Variants in GRN observed in about 807,000 individuals in gnomAD.
The protein encoded by GRN is progranulin.
Under a neutral mutation model 66.7 loss-of-function variants are expected in GRN, and 30 were observed. The ratio of observed to expected loss-of-function variants is 0.45; its 90% confidence interval spans 0.34 to 0.61. GRN has a LOEUF of 0.61. GRN is among the 20% of genes least tolerant of loss of function. GRN has a pLI of 0.01. For missense variants in GRN, 731 were observed against 803.5 expected, an observed-to-expected ratio of 0.91 and a Z score of 1.09; for synonymous variants, 327 against 311.1, an observed-to-expected ratio of 1.05 and a Z score of -0.54.
chr17:44,349,419 T>G lies in GRN; in HGVS notation c.139-7T>G, dbSNP rs1037113443. On this transcript the variant is annotated splice_polypyrimidine_tract_variant and splice_region_variant and intron_variant, in intron 2 of 12. Coordinates refer to ENST00000053867, the MANE Select transcript of GRN (RefSeq NM_002087.4). ...TCTGTGGTTTATCATTTTCCCTGTC[T>G]TTCTAGGACAAATGGCCCACAACAC... 1.9e-6 allele frequency: 3 copies of G among 1,614,232 alleles called. No homozygotes were observed. The highest frequency in any genetic ancestry group is 2.5e-6 in the Non-Finnish European group (3 of 1,180,050).
chr17:44,352,657 C>T lies in GRN; in HGVS notation c.1645-4C>T, dbSNP rs770775138. 14 of 1,609,872 alleles carry T rather than the reference C, an allele frequency of 8.7e-6. No individual in the cohort carries two copies. Among genetic ancestry groups the T allele is most frequent in the African/African-American group, 1.3e-5 (1 of 74,948 alleles). The stretch of plus-strand genomic sequence containing the variant: ...AACCCTCTCGCCCCCCTCTGACCAT[C>T]CAGGGCGTCTGTTGTGCTGATCGGC... On this transcript the variant is annotated splice_region_variant and splice_polypyrimidine_tract_variant and intron_variant, in intron 12 of 12. Transcript: ENST00000053867.
rs914538363 is a variant in GRN at position 44,352,749 on chromosome 17, C to T, written c.1733C>T (p.Pro578Leu). ...ACCAAGTGTTTGCGCAGGGAGGCCC[C>T]GCGCTGGGACGCCCCTTTGAGGGAC... ...RGTKCLRREAPRWDAPLRDPA... is the reference protein window; with the variant it reads ...RGTKCLRREALRWDAPLRDPA... The change falls in exon 13 of 13, where the codon CCG (proline) becomes CTG (leucine). Residue 578 changes from proline (P) to leucine (L), a missense_variant. Physicochemically the swap from Pro to Leu is moderately conservative, Grantham distance 98 (BLOSUM62 -3). Around this residue, in one of 3 missense-constraint regions of GRN, gnomAD observed 319 missense variants for 347.2 expected, o/e 0.92. Transcript: ENST00000053867. 1.1e-5 allele frequency: 18 copies of T among 1,611,484 alleles called. No individual in the cohort carries two copies. The highest frequency in any genetic ancestry group is 3.3e-5 in the Admixed American group (2 of 60,012).
At chr17:44,348,422 C>A (rs1220539876) in intron 1 of GRN, among the ~76,000 whole-genome samples, 1 of 152,192 alleles carries the variant, frequency 6.6e-6, no homozygotes, top group Non-Finnish European at 1.5e-5. Context: ...CAGGGTTTAG[C>A]ATGCTTGAGG....
intron 1 of GRN, 44 bp from the exon 2 acceptor site, chr17:44,349,114 G>T: frequency 6.2e-7 from 1 of 1,609,060 alleles, no homozygotes. Context: ...ATCAAGGGTG[G>T]CGTGGGCTTA....
Position 44,352,864 on chromosome 17 carries a change from CCCT to C in GRN, c.*67_*69del. 6.6e-7 allele frequency: 1 copy of C among 1,505,176 alleles called. No homozygotes were observed. Among genetic ancestry groups the C allele is most frequent in the Non-Finnish European group, 9.1e-7 (1 of 1,096,018 alleles). The allele number at this position is 1,505,176 out of a possible 1,614,324, so 93.2% of individuals were successfully genotyped here. ...CGGAGGGTGCCCTCTGCTCAGGCCTCCCTAGCACCTCCCCCTAACCAAATTCTC... is the reference window on the plus strand; with the variant it reads ...CGGAGGGTGCCCTCTGCTCAGGCCTCAGCACCTCCCCCTAACCAAATTCTC... On this transcript the variant is annotated 3_prime_UTR_variant, in exon 13 of 13. Coordinates refer to ENST00000053867, the MANE Select transcript of GRN (RefSeq NM_002087.4).
rs761620336 is a variant in GRN, at chr17:44,351,358, C to G, written c.836-5C>G. 38 of 1,609,814 alleles carry G rather than the reference C, an allele frequency of 2.4e-5. No homozygotes were observed. The East Asian group carries it at 8.0e-4, about 34-fold the overall frequency. ...TCTGACCTGTCCTCTCTGCTTCCCT[C>G]ACAGTGGGGGATGTGAAATGTGACA... On this transcript the variant is annotated splice_polypyrimidine_tract_variant and splice_region_variant and intron_variant, in intron 8 of 12. Coordinates refer to ENST00000053867, the MANE Select transcript of GRN (RefSeq NM_002087.4).
chr17:44,349,946 A>T (rs547206594), intron 4 of GRN, 195 bp downstream of exon 4: 1 of 638,072 alleles, frequency 1.6e-6, no homozygotes, highest in South Asian at 1.8e-5. Flanking sequence ...AAAGTGCAAG[A>T]CTCCAGGTCC....
At position 44,351,786 on chromosome 17, in the gene GRN, A is replaced by T; in HGVS notation, c.1170A>T (p.Pro390=). The change falls in exon 10 of 13, where the codon CCA becomes CCT. Residue 390 remains proline, a synonymous_variant. Transcript: ENST00000053867. Reference sequence around the variant, plus strand: ...CGTCTGGGGAGTGGGGCTGCTGTCCAATCCCAGAGGTATATGGGAGGGGAC... The same window carrying T: ...CGTCTGGGGAGTGGGGCTGCTGTCCTATCCCAGAGGTATATGGGAGGGGAC... ...QLTSGEWGCC[P]IPEAVCCSDH... 6.2e-7 allele frequency: 1 copy of T among 1,613,256 alleles called. No homozygotes were observed. Among genetic ancestry groups the T allele is most frequent in the Non-Finnish European group, 8.5e-7 (1 of 1,179,898 alleles).
In GRN at chr17:44,349,447, A is replaced by G. The variant is rs2143326730; in HGVS notation, c.160A>G (p.Ser54Gly). 1.2e-6 allele frequency: 2 copies of G among 1,614,218 alleles called. No homozygotes were observed. The highest frequency in any genetic ancestry group is 1.7e-6 in the Non-Finnish European group (2 of 1,180,036). Reference sequence around the variant, plus strand: ...CTAGGACAAATGGCCCACAACACTGAGCAGGCATCTGGGTGGCCCCTGCCA... The same window carrying G: ...CTAGGACAAATGGCCCACAACACTGGGCAGGCATCTGGGTGGCCCCTGCCA... ...PLLDKWPTTLSRHLGGPCQVD... is the reference protein window; with the variant it reads ...PLLDKWPTTLGRHLGGPCQVD... Residue 54 changes from serine to glycine, a missense_variant, in exon 3 of 13, where the codon AGC (serine) becomes GGC (glycine). This residue lies in a region of GRN where 370 missense variants were observed against 379.8 expected (regional missense o/e 0.97). Transcript: ENST00000053867.
At chr17:44,351,930 G>C in intron 10 of GRN, 85 bp from the exon 11 acceptor site, 2 of 1,462,786 alleles carry the variant, frequency 1.4e-6, no homozygotes, top group Non-Finnish European at 1.9e-6. Flanking sequence ...CTGTAAGCAG[G>C]AGAGGCGGGC....
intron 1 of GRN, among the ~76,000 whole-genome samples, chr17:44,347,056 G>T (rs1006999800): frequency 1.3e-5 from 2 of 151,744 alleles, no homozygotes; most frequent in African/African-American, 4.8e-5. Context: ...GGCGGAGTTC[G>T]CAGTAAGCTG....
rs778847875 is a variant in GRN at position 44,352,059 on chromosome 17, C to T, written c.1224C>T (p.Tyr408=). ...SDHQHCCPQG[Y]TCVAEGQCQR... The stretch of plus-strand genomic sequence containing the variant: ...ACCAGCACTGCTGCCCCCAGGGCTA[C>T]ACGTGTGTAGCTGAGGGGCAGTGTC... Residue 408 remains tyrosine, a synonymous_variant, in exon 11 of 13, where the codon TAC becomes TAT. Coordinates refer to ENST00000053867, the MANE Select transcript of GRN (RefSeq NM_002087.4). 1 of 1,613,790 alleles carries T rather than the reference C, an allele frequency of 6.2e-7. No homozygotes were observed. Among genetic ancestry groups the T allele is most frequent in the Non-Finnish European group, 8.5e-7 (1 of 1,179,982 alleles).
intron 1 of GRN, among the ~76,000 whole-genome samples, chr17:44,348,107 T>C (rs769134410): frequency 6.6e-6 from 1 of 152,026 alleles, no homozygotes; most frequent in African/African-American, 2.4e-5. Flanking sequence ...AATTACTACT[T>C]TGGATGGTTG....
chr17:44,352,300 G>C, intron 11 of GRN, 41 bp from the exon 12 acceptor site: 1 of 1,605,022 alleles, frequency 6.2e-7, no homozygotes, highest in Non-Finnish European at 8.5e-7. Context: ...CCAGTGAGGG[G>C]ACAGGAACAT....
At position 44,352,513 on chromosome 17, in the gene GRN, A is replaced by AT; in HGVS notation, c.1587dup (p.Asn530Ter). On this transcript the variant is annotated frameshift_variant, in exon 12 of 13. Coordinates refer to ENST00000053867, the MANE Select transcript of GRN (RefSeq NM_002087.4). LOFTEE classifies it high-confidence loss of function. ...TGTGGGGAAGGACACTTCTGCCATG[A>AT]TAACCAGACCTGCTGCCGAGACAAC... The AT allele has an allele frequency of 6.2e-7, 1 of 1,613,324 alleles. No homozygotes were observed. The highest frequency in any genetic ancestry group is 8.5e-7 in the Non-Finnish European group (1 of 1,179,774).
In GRN at chr17:44,352,543, A is replaced by G. The variant is rs1435015443; in HGVS notation, c.1616A>G (p.Gln539Arg). ...CAGACCTGCTGCCGAGACAACCGAC[A>G]GGGCTGGGCCTGCTGTCCCTACCGC... ...DNQTCCRDNRQGWACCPYRQG... is the reference protein window; with the variant it reads ...DNQTCCRDNRRGWACCPYRQG... The change falls in exon 12 of 13, where the codon CAG becomes CGG. Residue 539 changes from glutamine to arginine, a missense_variant. This residue lies in a region of GRN where 319 missense variants were observed against 347.2 expected (regional missense o/e 0.92). Transcript: ENST00000053867. 2 of 1,613,304 alleles carry G rather than the reference A, an allele frequency of 1.2e-6. No homozygotes were observed. The highest frequency in any genetic ancestry group is 1.7e-6 in the Non-Finnish European group (2 of 1,179,846).
In GRN at chr17:44,352,887, A is replaced by G; in HGVS notation, c.*89A>G. On this transcript the variant is annotated 3_prime_UTR_variant, in exon 13 of 13. Transcript: ENST00000053867. ...CTCCCTAGCACCTCCCCCTAACCAA[A>G]TTCTCCCTGGACCCCATTCTGAGCT... 8.0e-7 allele frequency: 1 copy of G among 1,256,068 alleles called. No individual in the cohort carries two copies. The highest frequency in any genetic ancestry group is 1.1e-6 in the Non-Finnish European group (1 of 881,134). 77.8% of individuals were successfully genotyped at this position (1,256,068 alleles called of 1,614,324 possible).
At chr17:44,346,818 A>G (rs910967871) in intron 1 of GRN, among the ~76,000 whole-genome samples, 1 of 152,190 alleles carries the variant, frequency 6.6e-6, no homozygotes, top group South Asian at 2.1e-4. Flanking sequence ...ACCTAATACA[A>G]TGGAAATGAC....
rs1294692955 is a variant in GRN, at chr17:44,352,522, C to A, written c.1595C>A (p.Thr532Asn). ...GEGHFCHDNQ[T>N]CCRDNRQGWA... The stretch of plus-strand genomic sequence containing the variant: ...GGACACTTCTGCCATGATAACCAGA[C>A]CTGCTGCCGAGACAACCGACAGGGC... The change falls in exon 12 of 13, where the codon ACC becomes AAC. Residue 532 changes from threonine to asparagine, a missense_variant. Thr to Asn is a moderately conservative substitution (Grantham distance 65). Transcript: ENST00000053867. 2.5e-6 allele frequency: 4 copies of A among 1,614,026 alleles called. No individual in the cohort carries two copies. Among genetic ancestry groups the A allele is most frequent in the Admixed American group, 1.7e-5 (1 of 60,032 alleles).
Sources: allele counts gnomAD v4.1 joint callset (sites outside exome capture counted in the v4.1 genomes callset), GRCh38; gene constraint gnomAD v4.1.1; regional missense constraint gnomAD v4.1.1; transcripts MANE v1.5; gene names NCBI Gene and HGNC (gene_info 2026-07-23, HGNC 2026-07-21).